The following PIK3C2G variants were observed in gnomAD, a reference collection of about 807,000 sequenced individuals.
PIK3C2G encodes the protein phosphatidylinositol 3-kinase C2 domain-containing subunit gamma.
A neutral mutation model predicts 181.1 loss-of-function variants in PIK3C2G; 168 were observed. The observed-to-expected ratio is 0.93, with a 90% CI of 0.82 to 1.05. PIK3C2G has a LOEUF of 1.05. Among genes scored for constraint, PIK3C2G ranks in the 50% least tolerant of loss-of-function variants. The pLI is 0.00. For missense variants in PIK3C2G, 1,869 were observed against 1,732.8 expected, an observed-to-expected ratio of 1.08 and a Z score of -1.40; for synonymous variants, 573 against 592.2, an observed-to-expected ratio of 0.97 and a Z score of 0.47.
At position 18,360,531 on chromosome 12, in the gene PIK3C2G, T is replaced by C. The variant is rs559471056; in HGVS notation, c.1626-2233T>C. Among the ~76,000 whole-genome samples the C allele has an allele frequency of 1.6e-3, 239 of 152,322 alleles. 1 individual carries two copies. Among genetic ancestry groups the C allele is most frequent in the African/African-American group, 5.5e-3 (229 of 41,598 alleles). On this transcript the variant is annotated intron_variant, in intron 11 of 32. Coordinates refer to ENST00000538779, the MANE Select transcript of PIK3C2G (RefSeq NM_001288772.2). The stretch of plus-strand genomic sequence containing the variant: ...GCATTTCAATTTGAAGGACAGTGTT[T>C]AGCATTTCTTACAAAGCAGGTCTTG...
chr12:18,567,364 A>C (rs988186483), intron 29 of PIK3C2G, among the ~76,000 whole-genome samples: 2 of 152,082 alleles, frequency 1.3e-5, no homozygotes, highest in African/African-American at 4.8e-5. Context: ...GTGCCACTGC[A>C]CTCTAGCCTG....
chr12:18,310,461 T>C (rs936966524), intron 5 of PIK3C2G, among the ~76,000 whole-genome samples: 1 of 151,908 alleles, frequency 6.6e-6, no homozygotes, highest in Admixed American at 6.6e-5. Context: ...TTATATTTCA[T>C]CAAGTAAGTG....
the PIK3C2G span, chr12:18,693,657 G>C: frequency 6.4e-7 from 1 of 1,565,414 alleles, no homozygotes; most frequent in Admixed American, 1.7e-5. Flanking sequence ...GGGACAAAAA[G>C]ATATGACTCC....
At position 18,609,517 on chromosome 12, in the gene PIK3C2G, A is replaced by T. The variant is rs1948226714; in HGVS notation, c.4088-18A>T. On this transcript the variant is annotated intron_variant, in intron 30 of 32. Coordinates refer to ENST00000538779, the MANE Select transcript of PIK3C2G (RefSeq NM_001288772.2). ...GCTTTTTCCAACTGAACTCACTGAA[A>T]TTCTATTCTTTTATCAGGTGAGAAG... 1 of 1,487,950 alleles carries T rather than the reference A, an allele frequency of 6.7e-7. No homozygotes were observed. Among genetic ancestry groups the T allele is most frequent in the Admixed American group, 1.9e-5 (1 of 52,858 alleles). 92.2% of individuals were successfully genotyped at this position (1,487,950 alleles called of 1,614,324 possible).
At chr12:18,395,761 T>C (rs1248765937) in intron 15 of PIK3C2G, among the ~76,000 whole-genome samples, 1 of 151,222 alleles carries the variant, frequency 6.6e-6, no homozygotes, top group African/African-American at 2.4e-5. Flanking sequence ...CTGTTCCAAG[T>C]TTTTCATATT....
At chr12:18,700,657 T>C in the PIK3C2G span, among the ~76,000 whole-genome samples, 9 of 152,098 alleles carry the variant, frequency 5.9e-5, no homozygotes, top group East Asian at 1.9e-4. Context: ...GGAGAAAGAA[T>C]TGAAGTTCTG....
At chr12:18,661,898 A>T in the PIK3C2G span, among the ~76,000 whole-genome samples, 1 of 152,180 alleles carries the variant, frequency 6.6e-6, no homozygotes, top group Non-Finnish European at 1.5e-5. Flanking sequence ...GGATTTTTTT[A>T]AATGAAGTAC....
the PIK3C2G span, among the ~76,000 whole-genome samples, chr12:18,722,180 G>T: frequency 6.9e-6 from 1 of 145,864 alleles, no homozygotes; most frequent in Non-Finnish European, 1.5e-5. Context: ...CACCCAACCT[G>T]AACTAGGCCT....
intron 5 of PIK3C2G, among the ~76,000 whole-genome samples, chr12:18,302,957 G>A (rs1015554785): frequency 7.2e-5 from 11 of 151,956 alleles, no homozygotes; most frequent in Non-Finnish European, 1.0e-4. Context: ...GGTCCCAGAC[G>A]TTAGGCTTGA....
At chr12:18,252,474 C>T (rs534061962) in intron 1 of PIK3C2G, among the ~76,000 whole-genome samples, 25 of 152,094 alleles carry the variant, frequency 1.6e-4, no homozygotes, top group South Asian at 4.1e-4. Context: ...ATTAACAAAA[C>T]GCATATAAAT....
At chr12:18,693,477 TG>T in the PIK3C2G span, 2 of 1,608,098 alleles carry the variant, frequency 1.2e-6, no homozygotes, top group East Asian at 2.2e-5. Context: ...GGTAAAACCT[TG>T]TTAGCCAAAG....
chr12:18,315,700 C>A (rs1394934111), intron 6 of PIK3C2G, among the ~76,000 whole-genome samples: 2 of 152,098 alleles, frequency 1.3e-5, no homozygotes, highest in Non-Finnish European at 2.9e-5. Flanking sequence ...GGTATCAAGA[C>A]TTTCCCAAGA....
At chr12:18,683,080 A>G in the PIK3C2G span, 1 of 687,470 alleles carries the variant, frequency 1.5e-6, no homozygotes, top group Non-Finnish European at 2.5e-6. Context: ...CTTTTCTTCC[A>G]CTGATTTATT....
the PIK3C2G span, among the ~76,000 whole-genome samples, chr12:18,698,607 T>C: frequency 1.3e-5 from 2 of 152,174 alleles, no homozygotes; most frequent in Non-Finnish European, 2.9e-5. Flanking sequence ...TCTGTGGTAT[T>C]TCTACACAAG....
the PIK3C2G span, among the ~76,000 whole-genome samples, chr12:18,709,999 A>G: frequency 2.6e-5 from 4 of 151,680 alleles, no homozygotes; most frequent in Non-Finnish European, 5.9e-5. Context: ...AAATATGTCG[A>G]TTTTGTGTTC....
chr12:18,526,589 A>T lies in PIK3C2G; in HGVS notation c.3324-11567A>T, dbSNP rs554621634. 4.6e-5 allele frequency among the ~76,000 whole-genome samples: 7 copies of T among 152,250 alleles called. No individual in the cohort carries two copies. The South Asian group carries it at 1.2e-3, about 27-fold the overall frequency. ...TATAAATTTATTAAGAACGTGCTATATTCTGTAACCCTAGCTGGAAATTTA... is the reference window on the plus strand; with the variant it reads ...TATAAATTTATTAAGAACGTGCTATTTTCTGTAACCCTAGCTGGAAATTTA... On this transcript the variant is annotated intron_variant, in intron 24 of 32. Coordinates refer to ENST00000538779, the MANE Select transcript of PIK3C2G (RefSeq NM_001288772.2).
intron 30 of PIK3C2G, 35 bp from the exon 31 acceptor site, chr12:18,609,500 C>A: frequency 1.6e-6 from 2 of 1,283,262 alleles, no homozygotes; most frequent in South Asian, 1.3e-5. Context: ...GAGCTTTTTC[C>A]AACTGAACTC....
chr12:18,559,731 GGGA>G (rs1945194323), intron 26 of PIK3C2G, among the ~76,000 whole-genome samples: 1 of 142,572 alleles, frequency 7.0e-6, no homozygotes, highest in African/African-American at 2.6e-5. Context: ...AAAAGTTGGA[GGGA>G]GGAGATCAAA....
chr12:18,485,396 C>G (rs1939929835), intron 18 of PIK3C2G, among the ~76,000 whole-genome samples: 1 of 152,120 alleles, frequency 6.6e-6, no homozygotes, highest in South Asian at 2.1e-4. Flanking sequence ...ATCTCTGAGT[C>G]CACTATAATT....
Sources: gnomAD v4.1 joint callset for allele counts (sites outside exome capture counted in the v4.1 genomes callset) on GRCh38, gnomAD v4.1.1 for gene constraint, MANE v1.5 for transcripts, NCBI Gene and HGNC (gene_info 2026-07-23, HGNC 2026-07-21) for gene names.